Variants in GAK observed in about 807,000 individuals in gnomAD.
The protein encoded by GAK is cyclin G associated kinase.
GAK carries 79 observed loss-of-function variants against 143.9 expected under a neutral mutation model. The ratio of observed to expected loss-of-function variants is 0.55; its 90% CI spans 0.46 to 0.66. The LOEUF (loss-of-function observed/expected upper bound fraction) is 0.66. Ranked by LOEUF, GAK falls within the 30% of genes least tolerant of loss-of-function variation. The pLI, the probability that GAK is intolerant of heterozygous loss-of-function variation, is 0.00. For missense variants in GAK, 1,693 were observed against 1,779.7 expected, an observed-to-expected ratio of 0.95 and a Z score of 0.88; for synonymous variants, 881 against 765.5, an observed-to-expected ratio of 1.15 and a Z score of -2.49.
intron 5 of GAK, among the ~76,000 whole-genome samples, chr4:903,186 C>A (rs924907897): frequency 2.0e-5 from 3 of 152,154 alleles, no homozygotes; most frequent in African/African-American, 7.2e-5. Context: ...GAGCCCAGCC[C>A]CAGTCTAGAA....
chr4:859,583 C>T, intron 24 of GAK, 23 bp downstream of exon 24: 1 of 1,589,372 alleles, frequency 6.3e-7, no homozygotes, highest in Non-Finnish European at 8.6e-7. Flanking sequence ...GCTTCCACAC[C>T]CCCAAAGTGC....
chr4:931,856 A>G (rs938586698), intron 1 of GAK, among the ~76,000 whole-genome samples, 187 bp downstream of exon 1: 1 of 152,090 alleles, frequency 6.6e-6, no homozygotes, highest in Non-Finnish European at 1.5e-5. Context: ...CGCCCGCGCT[A>G]TGACCTTCGC....
intron 1 of GAK, among the ~76,000 whole-genome samples, chr4:931,653 C>T (rs938558753): frequency 6.6e-6 from 1 of 152,186 alleles, no homozygotes; most frequent in African/African-American, 2.4e-5. Flanking sequence ...TCAGTCTCCG[C>T]TGTGGGTCCC....
At chr4:900,561 G>A (rs58018790) in intron 5 of GAK, among the ~76,000 whole-genome samples, 2 of 152,084 alleles carry the variant, frequency 1.3e-5, no homozygotes, top group Admixed American at 6.5e-5. Flanking sequence ...GGAGGGTCTC[G>A]GTGTCATGAG....
At chr4:882,555 C>T (rs2152813986) in intron 14 of GAK, 142 bp downstream of exon 14, 1 of 1,095,244 alleles carries the variant, frequency 9.1e-7, no homozygotes, top group Non-Finnish European at 1.3e-6. Flanking sequence ...GACCCAAAGA[C>T]ACCAAGCACA....
At chr4:875,154 A>AT (rs1713578498) in intron 18 of GAK, among the ~76,000 whole-genome samples, 1 of 152,104 alleles carries the variant, frequency 6.6e-6, no homozygotes, top group Non-Finnish European at 1.5e-5. Context: ...CTTCACCGAC[A>AT]TTTTCCTCTT....
chr4:920,249 A>C (rs1409615448), intron 1 of GAK, among the ~76,000 whole-genome samples: 3 of 151,218 alleles, frequency 2.0e-5, no homozygotes, highest in Admixed American at 2.0e-4. Context: ...CGGAGGTTGC[A>C]GTGAGCCGAG....
chr4:894,837 C>T (rs1718451536), intron 7 of GAK: 1 of 152,130 alleles, frequency 6.6e-6, no homozygotes, highest in South Asian at 2.1e-4. Context: ...AAAAATTAGC[C>T]AGGCGTGGTG....
chr4:863,526 C>T (rs1460201106), intron 23 of GAK, among the ~76,000 whole-genome samples: 3 of 152,176 alleles, frequency 2.0e-5, no homozygotes, highest in Admixed American at 6.5e-5. Flanking sequence ...GAGACAATCA[C>T]GTGGCAAACT....
rs376508571 is a variant in GAK at position 866,379 on chromosome 4, C to T, written c.3028G>A (p.Asp1010Asn). 35 of 1,613,866 alleles carry T rather than the reference C, an allele frequency of 2.2e-5. No individual in the cohort carries two copies. The highest frequency in any genetic ancestry group is 1.6e-4 in the Middle Eastern group (1 of 6,070). ...HSAPPPSCSA[D>N]FLHLGDLPGE... is the part of the protein sequence containing the mutation. ...AGGCACTTACCCAGGTGCAGGAAGT[C>T]GGCGCTGCAGGATGGGGGCGGAGCA... Residue 1010 changes from aspartate (D) to asparagine (N), a missense_variant, in exon 22 of 28, where the codon GAC becomes AAC. By Grantham distance (23) the Asp-to-Asn change is conservative. Transcript: ENST00000314167.
In GAK at chr4:865,141, G is replaced by A. The variant is rs576165827; in HGVS notation, c.3147C>T (p.Ala1049=). The A allele has an allele frequency of 2.3e-5, 37 of 1,610,244 alleles. No individual in the cohort carries two copies. The South Asian group carries it at 3.5e-4, about 15-fold the overall frequency. Residue 1049 remains alanine (A), a synonymous_variant, in exon 23 of 28, where the codon GCC becomes GCT. Transcript: ENST00000314167. ...CCATACCTTCTGTGGCTGGCGTGGG[G>A]GCCACTGCCGATGCTGCAGTCTCGG... The part of the protein sequence containing the change: ...AWTETAASAV[A]PTPATEGPLF...
chr4:923,857 T>C (rs969137840), intron 1 of GAK, among the ~76,000 whole-genome samples: 1 of 151,764 alleles, frequency 6.6e-6, no homozygotes, highest in African/African-American at 2.4e-5. Context: ...AAGACCTGTA[T>C]CCAGAGTAAG....
At chr4:894,181 A>C in intron 7 of GAK, 172 bp from the exon 8 acceptor site, 4 of 620,784 alleles carry the variant, frequency 6.4e-6, no homozygotes, top group East Asian at 4.0e-5. Flanking sequence ...CAGGGGTGAT[A>C]TCGGGAACAT....
At chr4:865,381 C>T (rs1379811867) in intron 22 of GAK, 137 bp from the exon 23 acceptor site, 1 of 1,035,854 alleles carries the variant, frequency 9.7e-7, no homozygotes, top group Non-Finnish European at 1.4e-6. Flanking sequence ...GGGCTGACGG[C>T]CTCTCTCTTC....
intron 7 of GAK, among the ~76,000 whole-genome samples, chr4:896,219 G>A (rs543016300): frequency 3.3e-5 from 5 of 152,270 alleles, no homozygotes; most frequent in East Asian, 1.9e-4. Context: ...AGCCTGAGCC[G>A]AGGTCACACC....
In GAK at chr4:865,237, C is replaced by A. The variant is rs778412049; in HGVS notation, c.3051G>T (p.Leu1017=). The A allele has an allele frequency of 1.2e-6, 2 of 1,613,346 alleles. No homozygotes were observed. Among genetic ancestry groups the A allele is most frequent in the Non-Finnish European group, 1.7e-6 (2 of 1,179,848 alleles). Residue 1017 remains leucine, a synonymous_variant, in exon 23 of 28, where the codon CTG becomes CTT. Transcript: ENST00000314167. ...CSADFLHLGD[L]PGEPSKMTAS... is the part of the protein sequence containing the mutation. ...CTGTCATCTTGCTGGGCTCTCCTGG[C>A]AGATCCCCTGGGAAGAAGGAACCAG...
rs1290926072 is a variant in GAK, at chr4:868,674, G to A, written c.2260C>T (p.Leu754Phe). Residue 754 changes from leucine to phenylalanine, a missense_variant, in exon 20 of 28, where the codon CTT becomes TTT. Physicochemically the swap from Leu to Phe is conservative, Grantham distance 22. This residue lies in a region of GAK where 822 missense variants were observed against 788.7 expected (regional missense o/e 1.04). Transcript: ENST00000314167. Reference protein sequence around the residue: ...DILSKFGKPELPRQPGSTAQY... With the variant: ...DILSKFGKPEFPRQPGSTAQY... ...GCCGTGGAGCCAGGCTGCCGGGGAA[G>A]CTCCGGCTTCCCTGCAGGAGAGGGA... 1 of 1,551,114 alleles carries A rather than the reference G, an allele frequency of 6.4e-7. No homozygotes were observed. Among genetic ancestry groups the A allele is most frequent in the Non-Finnish European group, 8.7e-7 (1 of 1,147,750 alleles).
chr4:902,591 T>C (rs1235501138), intron 5 of GAK, among the ~76,000 whole-genome samples: 2 of 7,404 alleles, frequency 2.7e-4, no homozygotes, highest in Non-Finnish European at 2.5e-4. Context: ...GTAGAGTGAC[T>C]GACTCAAAAA....
At chr4:852,361 C>T (rs990889671) in intron 24 of GAK, 28 of 297,588 alleles carry the variant, frequency 9.4e-5, no homozygotes, top group Non-Finnish European at 5.1e-5. Context: ...AGTGTCCCCA[C>T]GTCTGTAGCG....
Sources: allele counts gnomAD v4.1 joint callset (sites outside exome capture counted in the v4.1 genomes callset), GRCh38; gene constraint gnomAD v4.1.1; regional missense constraint gnomAD v4.1.1; transcripts MANE v1.5; gene names NCBI Gene and HGNC (gene_info 2026-07-23, HGNC 2026-07-21).